The following SYNDIG1 variants were observed in gnomAD, a reference collection of about 807,000 sequenced individuals.
SYNDIG1 encodes synapse differentiation-inducing gene protein 1.
In SYNDIG1, 9 loss-of-function variants were observed where a neutral mutation model predicts 19.4. The ratio of observed to expected loss-of-function variants is 0.46; its 90% CI spans 0.28 to 0.81. The LOEUF is 0.81. Ranked by LOEUF, SYNDIG1 falls within the 30% of genes least tolerant of loss-of-function variation. SYNDIG1 has a pLI of 0.12. For synonymous variants in SYNDIG1, 141 were observed against 145.9 expected, an observed-to-expected ratio of 0.97 and a Z score of 0.24; for missense variants, 311 against 343.3, an observed-to-expected ratio of 0.91 and a Z score of 0.74.
At chr20:24,497,166 C>A (rs985789249) in intron 1 of SYNDIG1, among the ~76,000 whole-genome samples, 1 of 151,960 alleles carries the variant, frequency 6.6e-6, no homozygotes, top group African/African-American at 2.4e-5. Flanking sequence ...CTCTCTTTTT[C>A]TTTTCTTTTG....
At chr20:24,492,181 C>T (rs533836508) in intron 1 of SYNDIG1, among the ~76,000 whole-genome samples, 1 of 152,314 alleles carries the variant, frequency 6.6e-6, no homozygotes. Context: ...CTTCTCTCCA[C>T]ACCCCCTTGG....
intron 3 of SYNDIG1, among the ~76,000 whole-genome samples, chr20:24,613,157 G>A (rs781140889): frequency 6.6e-6 from 1 of 152,144 alleles, no homozygotes; most frequent in African/African-American, 2.4e-5. Flanking sequence ...AAAGGGTCTG[G>A]GTGCTTGGGG....
At chr20:24,550,936 C>T (rs1049665414) in intron 2 of SYNDIG1, among the ~76,000 whole-genome samples, 1 of 152,130 alleles carries the variant, frequency 6.6e-6, no homozygotes, top group African/African-American at 2.4e-5. Flanking sequence ...GATTTCTGTG[C>T]CTATATTCAT....
intron 1 of SYNDIG1, among the ~76,000 whole-genome samples, chr20:24,523,009 G>T (rs2057037053): frequency 6.6e-6 from 1 of 152,302 alleles, no homozygotes; most frequent in East Asian, 1.9e-4. Flanking sequence ...TTCAACACTG[G>T]TGATCACATT....
intron 3 of SYNDIG1, among the ~76,000 whole-genome samples, chr20:24,619,058 G>A (rs988067768): frequency 6.6e-6 from 1 of 152,160 alleles, no homozygotes. Context: ...TCTTTTGCAG[G>A]GCAGGAGTGT....
intron 3 of SYNDIG1, among the ~76,000 whole-genome samples, chr20:24,642,752 G>A (rs2059390575): frequency 6.6e-6 from 1 of 151,966 alleles, no homozygotes; most frequent in Non-Finnish European, 1.5e-5. Context: ...TGCTGCTTCA[G>A]GTTCATCTTG....
intron 3 of SYNDIG1, among the ~76,000 whole-genome samples, chr20:24,607,333 C>T (rs2058770991): frequency 6.7e-6 from 1 of 149,332 alleles, no homozygotes; most frequent in Admixed American, 6.8e-5. Context: ...TGCACTGCAG[C>T]CTGAGCAACA....
chr20:24,609,788 G>A (rs1485390431), intron 3 of SYNDIG1, among the ~76,000 whole-genome samples: 1 of 152,066 alleles, frequency 6.6e-6, no homozygotes, highest in African/African-American at 2.4e-5. Flanking sequence ...TCATATCTCA[G>A]CTCACTGTGC....
intron 3 of SYNDIG1, among the ~76,000 whole-genome samples, chr20:24,663,170 G>A (rs930437604): frequency 3.9e-5 from 6 of 152,180 alleles, no homozygotes; most frequent in Non-Finnish European, 8.8e-5. Flanking sequence ...TCTATGACAC[G>A]CAGATGCCGA....
intron 3 of SYNDIG1, among the ~76,000 whole-genome samples, chr20:24,631,170 C>T (rs1294385614): frequency 6.6e-6 from 1 of 152,198 alleles, no homozygotes; most frequent in East Asian, 1.9e-4. Flanking sequence ...GAGGCTGTGG[C>T]CTAGAAGGCT....
At chr20:24,561,869 A>G (rs896287224) in intron 2 of SYNDIG1, among the ~76,000 whole-genome samples, 1 of 152,266 alleles carries the variant, frequency 6.6e-6, no homozygotes, top group Non-Finnish European at 1.5e-5. Flanking sequence ...CAAATTAATT[A>G]TCTTTCAATA....
rs6049802 is a variant in SYNDIG1, at chr20:24,595,618, A to T, written c.618+10625A>T. Among the ~76,000 whole-genome samples, 233 of 152,314 alleles carry T rather than the reference A, an allele frequency of 1.5e-3. 2 individuals carry two copies. Among genetic ancestry groups the T allele is most frequent in the African/African-American group, 5.3e-3 (222 of 41,578 alleles). On this transcript the variant is annotated intron_variant, in intron 3 of 3. Coordinates refer to ENST00000376862, the MANE Select transcript of SYNDIG1 (RefSeq NM_024893.3). ...TCTGGTGGAATTCGGCTGTGAAGCCATATAGTCCTTTCCAGTTGCTAAGCT... is the reference window on the plus strand; with the variant it reads ...TCTGGTGGAATTCGGCTGTGAAGCCTTATAGTCCTTTCCAGTTGCTAAGCT...
At chr20:24,628,602 T>C (rs1050403056) in intron 3 of SYNDIG1, among the ~76,000 whole-genome samples, 7 of 152,216 alleles carry the variant, frequency 4.6e-5, no homozygotes, top group Non-Finnish European at 1.0e-4. Context: ...CTCTAAGTGA[T>C]GGACCTTGAA....
At chr20:24,624,026 G>C (rs778911511) in intron 3 of SYNDIG1, among the ~76,000 whole-genome samples, 2 of 152,166 alleles carry the variant, frequency 1.3e-5, no homozygotes, top group Non-Finnish European at 2.9e-5. Flanking sequence ...ACTTTGGGAG[G>C]CCAAGGCCGA....
chr20:24,590,865 CTT>C (rs1230093625), intron 3 of SYNDIG1, among the ~76,000 whole-genome samples: 6 of 152,118 alleles, frequency 3.9e-5, no homozygotes, highest in Non-Finnish European at 8.8e-5. Context: ...TGATGAGCAG[CTT>C]CAGGCATGCA....
intron 1 of SYNDIG1, among the ~76,000 whole-genome samples, chr20:24,470,445 A>C (rs946859718): frequency 4.0e-5 from 6 of 150,584 alleles, no homozygotes; most frequent in African/African-American, 1.5e-4. Flanking sequence ...GGCCCCTGGC[A>C]GCCGCGACAG....
intron 1 of SYNDIG1, among the ~76,000 whole-genome samples, chr20:24,470,678 TGGC>T (rs1339171493): frequency 6.6e-5 from 10 of 152,052 alleles, no homozygotes; most frequent in Non-Finnish European, 1.5e-5. Context: ...CCTACTAGAG[TGGC>T]TCTGGCAGCC....
intron 3 of SYNDIG1, among the ~76,000 whole-genome samples, chr20:24,617,235 C>G (rs1333672192): frequency 6.6e-6 from 1 of 152,156 alleles, no homozygotes; most frequent in Non-Finnish European, 1.5e-5. Context: ...ACCCTCCAGC[C>G]GTCCCCACCG....
intron 2 of SYNDIG1, among the ~76,000 whole-genome samples, chr20:24,544,260 G>A (rs2057530226): frequency 6.6e-6 from 1 of 152,188 alleles, no homozygotes; most frequent in Admixed American, 6.5e-5. Flanking sequence ...GACAGCACCG[G>A]TGAGAGGGTG....
Sources: allele counts gnomAD v4.1 joint callset (sites outside exome capture counted in the v4.1 genomes callset), GRCh38; gene constraint gnomAD v4.1.1; transcripts MANE v1.5; gene names NCBI Gene and HGNC (gene_info 2026-07-23, HGNC 2026-07-21).